Variants in DTWD2 observed in about 807,000 individuals in gnomAD.
DTWD2 encodes tRNA-uridine aminocarboxypropyltransferase 2.
Under a neutral mutation model 31.8 loss-of-function variants are expected in DTWD2, and 39 were observed. The observed-to-expected ratio is 1.22, with a 90% confidence interval of 0.95 to 1.60. DTWD2 has a LOEUF of 1.60. Among genes scored for constraint, DTWD2 ranks in the 40% most tolerant of loss-of-function variants. The probability of loss-of-function intolerance (pLI) is 0.00; values close to 1 mark genes in which losing one functional copy is unlikely to be tolerated. For synonymous variants in DTWD2, 180 were observed against 142.8 expected (o/e 1.26, Z -1.86); for missense variants, 515 against 381.5 (o/e 1.35, Z -2.92).
intron 4 of DTWD2, among the ~76,000 whole-genome samples, chr5:118,924,485 T>C (rs1246004577): frequency 6.6e-6 from 1 of 152,180 alleles, no homozygotes; most frequent in Non-Finnish European, 1.5e-5. Flanking sequence ...GTTAACTTAT[T>C]TGTATCCATC....
chr5:118,874,536 A>C (rs1752579609), intron 4 of DTWD2, among the ~76,000 whole-genome samples: 1 of 152,238 alleles, frequency 6.6e-6, no homozygotes, highest in Admixed American at 6.5e-5. Context: ...TAGAGCTGAA[A>C]AACACACCAT....
intron 1 of DTWD2, among the ~76,000 whole-genome samples, chr5:118,947,447 G>T (rs1303032181): frequency 6.6e-6 from 1 of 152,182 alleles, no homozygotes; most frequent in Non-Finnish European, 1.5e-5. Context: ...ACTGTCCCGA[G>T]CTGGACTCTC....
At chr5:118,982,909 G>C (rs145377478) in intron 1 of DTWD2, among the ~76,000 whole-genome samples, 2 of 151,838 alleles carry the variant, frequency 1.3e-5, no homozygotes, top group Non-Finnish European at 2.9e-5. Flanking sequence ...GGCTGGTCTC[G>C]ATCTCCTCTG....
chr5:118,844,753 G>A (rs546900443), intron 5 of DTWD2, among the ~76,000 whole-genome samples: 1 of 152,258 alleles, frequency 6.6e-6, no homozygotes, highest in South Asian at 2.1e-4. Context: ...AAAGAGTGAG[G>A]ATGAGACAAC....
chr5:118,842,860 T>A (rs1751751399), intron 5 of DTWD2, among the ~76,000 whole-genome samples: 2 of 150,732 alleles, frequency 1.3e-5, no homozygotes, highest in South Asian at 4.2e-4. Flanking sequence ...GGCAGGAGGA[T>A]CGCTTGAGCC....
intron 1 of DTWD2, among the ~76,000 whole-genome samples, chr5:118,949,507 G>C (rs1340338619): frequency 6.6e-6 from 1 of 152,210 alleles, no homozygotes; most frequent in East Asian, 1.9e-4. Flanking sequence ...CAACCTGTAA[G>C]ACTTGTCTGG....
At chr5:118,843,016 G>A (rs1305695646) in intron 5 of DTWD2, among the ~76,000 whole-genome samples, 1 of 147,632 alleles carries the variant, frequency 6.8e-6, no homozygotes, top group Non-Finnish European at 1.5e-5. Context: ...GAGTGCAGTG[G>A]CACAATCTCA....
At chr5:118,890,409 T>C (rs1752952406) in intron 4 of DTWD2, among the ~76,000 whole-genome samples, 1 of 152,030 alleles carries the variant, frequency 6.6e-6, no homozygotes, top group Non-Finnish European at 1.5e-5. Flanking sequence ...TGAAAACAAG[T>C]GGACTTTATT....
rs184708474 is a variant in DTWD2, at chr5:118,980,221, C to T, written c.218+8073G>A. Among the ~76,000 whole-genome samples, 4 of 152,276 alleles carry T rather than the reference C, an allele frequency of 2.6e-5. No homozygotes were observed. The East Asian group carries it at 7.7e-4, about 29-fold the overall frequency. ...GGAAAAAGAGCAGGTTTACTTGCAA[C>T]CCATTGTAAAAAATTCAGGAACACA... is the stretch of plus-strand genomic sequence containing the variant. On this transcript the variant is annotated intron_variant, in intron 1 of 5. Transcript: ENST00000510708.
intron 4 of DTWD2, among the ~76,000 whole-genome samples, chr5:118,884,996 C>CAAA (rs36042211): frequency 0.02 from 1,003 of 49,702 alleles, 43 homozygotes; most frequent in African/African-American, 0.066. Context: ...ACTCCATCTC[C>CAAA]AAAAAAAAAA....
intron 4 of DTWD2, among the ~76,000 whole-genome samples, chr5:118,860,828 T>A (rs1752243958): frequency 6.6e-6 from 1 of 152,190 alleles, no homozygotes; most frequent in Admixed American, 6.5e-5. Context: ...TCTATTAATA[T>A]CTTCTGCCTA....
At chr5:118,851,452 G>A (rs1184033222) in intron 4 of DTWD2, among the ~76,000 whole-genome samples, 1 of 152,018 alleles carries the variant, frequency 6.6e-6, no homozygotes, top group Non-Finnish European at 1.5e-5. Context: ...ATTTCAAAAG[G>A]GGAGGGGGTG....
At chr5:118,941,477 G>A (rs561177145) in intron 2 of DTWD2, among the ~76,000 whole-genome samples, 1 of 152,146 alleles carries the variant, frequency 6.6e-6, no homozygotes, top group East Asian at 1.9e-4. Flanking sequence ...ATGGTTTCCA[G>A]CTTCATCCAT....
chr5:118,971,576 G>C (rs1227229990), intron 1 of DTWD2, among the ~76,000 whole-genome samples: 2 of 152,110 alleles, frequency 1.3e-5, no homozygotes, highest in Non-Finnish European at 2.9e-5. Flanking sequence ...AGATGATCAA[G>C]ACAGAAAATT....
chr5:118,964,565 G>T (rs994425168), intron 1 of DTWD2, among the ~76,000 whole-genome samples: 2 of 152,086 alleles, frequency 1.3e-5, no homozygotes, highest in African/African-American at 4.8e-5. Context: ...TCAGCCTGCC[G>T]AATGCCTGCG....
At chr5:118,953,676 A>G (rs149245099) in intron 1 of DTWD2, among the ~76,000 whole-genome samples, 14 of 152,324 alleles carry the variant, frequency 9.2e-5, no homozygotes, top group African/African-American at 3.1e-4. Flanking sequence ...CTGAGAGCAT[A>G]AAGTTATTAG....
chr5:118,958,829 C>T (rs1476760599), intron 1 of DTWD2, among the ~76,000 whole-genome samples: 1 of 152,092 alleles, frequency 6.6e-6, no homozygotes, highest in Non-Finnish European at 1.5e-5. Flanking sequence ...ATTCATCACA[C>T]AAAGAGAACA....
chr5:118,892,641 C>T (rs1001173429), intron 4 of DTWD2, among the ~76,000 whole-genome samples: 4 of 152,016 alleles, frequency 2.6e-5, no homozygotes, highest in African/African-American at 9.7e-5. Context: ...AAAAAACATT[C>T]AAAATCTTAA....
chr5:118,924,690 T>C (rs1753773849), intron 4 of DTWD2, among the ~76,000 whole-genome samples: 1 of 152,230 alleles, frequency 6.6e-6, no homozygotes, highest in Admixed American at 6.5e-5. Context: ...TTAGAATTCA[T>C]CATAAAATCA....
Sources: gnomAD v4.1 joint callset for allele counts (sites outside exome capture counted in the v4.1 genomes callset) on GRCh38, gnomAD v4.1.1 for gene constraint, MANE v1.5 for transcripts, NCBI Gene and HGNC (gene_info 2026-07-23, HGNC 2026-07-21) for gene names.